Variants in ZNF248 observed in about 807,000 individuals in gnomAD.
The protein encoded by ZNF248 is zinc finger protein 248.
Under a neutral mutation model 44.3 loss-of-function variants are expected in ZNF248, and 20 were observed. That is an observed-to-expected ratio of 0.45 (90% CI 0.32 to 0.66). ZNF248 has a LOEUF of 0.66. ZNF248 is among the 30% of genes least tolerant of loss of function. The probability of loss-of-function intolerance (pLI) is 0.04; values close to 1 mark genes in which losing one functional copy is unlikely to be tolerated. For missense variants in ZNF248, 654 were observed against 677.0 expected, an observed-to-expected ratio of 0.97 and a Z score of 0.38; for synonymous variants, 224 against 229.0, an observed-to-expected ratio of 0.98 and a Z score of 0.20.
chr10:37,843,370 A>G (rs1463289034), intron 3 of ZNF248, among the ~76,000 whole-genome samples: 1 of 151,360 alleles, frequency 6.6e-6, no homozygotes, highest in Non-Finnish European at 1.5e-5. Context: ...GGTTGCAGTG[A>G]GCCGAGATTG....
the ZNF248 span, among the ~76,000 whole-genome samples, chr10:37,767,893 G>C: frequency 2.0e-5 from 3 of 152,114 alleles, no homozygotes; most frequent in African/African-American, 7.2e-5. Flanking sequence ...CTCACGTGCA[G>C]AGACACACAT....
chr10:37,826,553 G>A (rs575448482), downstream of ZNF248, among the ~76,000 whole-genome samples: 1 of 152,236 alleles, frequency 6.6e-6, no homozygotes, highest in South Asian at 2.1e-4. Flanking sequence ...GAAAACTTAG[G>A]TAACTTTTCT....
intron 6 of ZNF248, among the ~76,000 whole-genome samples, chr10:37,804,991 G>A (rs929961536): frequency 2.0e-5 from 3 of 152,018 alleles, no homozygotes; most frequent in Admixed American, 6.6e-5. Context: ...ATGTCATTCT[G>A]TGTTCCACTC....
chr10:37,782,277 C>A (rs1435164785), intron 6 of ZNF248, among the ~76,000 whole-genome samples: 4 of 152,128 alleles, frequency 2.6e-5, no homozygotes, highest in African/African-American at 9.7e-5. Context: ...AGGAATTTTA[C>A]CCCAGGATGG....
At chr10:37,780,689 C>A (rs569238349) in intron 6 of ZNF248, among the ~76,000 whole-genome samples, 5 of 152,300 alleles carry the variant, frequency 3.3e-5, no homozygotes, top group African/African-American at 9.6e-5. Context: ...GCGCGCACCC[C>A]GCGCGGGGCC....
chr10:37,856,575 C>A, intron 1 of ZNF248, 43 bp from the exon 2 acceptor site: 1 of 1,148,344 alleles, frequency 8.7e-7, no homozygotes, highest in Non-Finnish European at 1.1e-6. Context: ...ATGAGTTTAA[C>A]AAGTTAACAG....
intron 6 of ZNF248, among the ~76,000 whole-genome samples, chr10:37,777,905 T>C (rs1225454942): frequency 6.6e-6 from 1 of 152,168 alleles, no homozygotes; most frequent in Non-Finnish European, 1.5e-5. Context: ...ACGGTGTATA[T>C]GTGCCACATT....
At chr10:37,823,145 C>T (rs926853284) in intron 6 of ZNF248, among the ~76,000 whole-genome samples, 1 of 151,756 alleles carries the variant, frequency 6.6e-6, no homozygotes, top group Non-Finnish European at 1.5e-5. Context: ...ACCATCCTGG[C>T]CAACATGGTA....
the ZNF248 span, among the ~76,000 whole-genome samples, chr10:37,765,788 G>A: frequency 2.2e-4 from 33 of 152,350 alleles, no homozygotes; most frequent in Admixed American, 8.5e-4. Context: ...CACACCATGC[G>A]TGAGCTGAAG....
intron 3 of ZNF248, among the ~76,000 whole-genome samples, chr10:37,854,097 A>T (rs895870802): frequency 2.6e-5 from 4 of 152,192 alleles, no homozygotes; most frequent in Admixed American, 6.5e-5. Flanking sequence ...ATACAAGTAA[A>T]CTCCAAATGG....
At chr10:37,821,014 AGGTGCTCT>A in intron 6 of ZNF248, 2 of 1,358,360 alleles carry the variant, frequency 1.5e-6, no homozygotes. Context: ...CCGAGACTAA[AGGTGCTCT>A]GGGATCCCAA....
At chr10:37,766,413 C>G in the ZNF248 span, among the ~76,000 whole-genome samples, 1 of 152,292 alleles carries the variant, frequency 6.6e-6, no homozygotes, top group Admixed American at 6.5e-5. Context: ...AACAAAACTT[C>G]CAGAGGAACG....
chr10:37,796,311 G>A (rs553206231), intron 6 of ZNF248, among the ~76,000 whole-genome samples: 1 of 151,704 alleles, frequency 6.6e-6, no homozygotes, highest in Admixed American at 6.6e-5. Context: ...TGACTCCTGG[G>A]TTCAAGCAAT....
At chr10:37,815,688 T>C (rs1251058843) in intron 6 of ZNF248, among the ~76,000 whole-genome samples, 1 of 152,134 alleles carries the variant, frequency 6.6e-6, no homozygotes, top group African/African-American at 2.4e-5. Context: ...TCTTTGTTCA[T>C]CTTTTGATTT....
At chr10:37,855,745 G>C (rs1324172088) in intron 3 of ZNF248, among the ~76,000 whole-genome samples, 1 of 152,220 alleles carries the variant, frequency 6.6e-6, no homozygotes, top group Non-Finnish European at 1.5e-5. Flanking sequence ...ACTGATTCAG[G>C]TGAGTTTAGG....
chr10:37,773,312 G>A (rs757442037), downstream of ZNF248, among the ~76,000 whole-genome samples: 1 of 152,126 alleles, frequency 6.6e-6, no homozygotes, highest in Non-Finnish European at 1.5e-5. Flanking sequence ...AGACATTGGA[G>A]ATTATTAGTA....
intron 6 of ZNF248, chr10:37,818,667 C>G (rs2052959364): frequency 1.9e-6 from 1 of 527,820 alleles, no homozygotes; most frequent in East Asian, 4.1e-5. Flanking sequence ...AGCAGGGCTA[C>G]TCACAAAGAC....
chr10:37,786,554 C>T (rs1035600133), intron 6 of ZNF248, among the ~76,000 whole-genome samples: 2 of 152,050 alleles, frequency 1.3e-5, no homozygotes, highest in Non-Finnish European at 2.9e-5. Context: ...AAAATGTAGA[C>T]ATAATCTTGA....
At chr10:37,766,894 G>T in the ZNF248 span, among the ~76,000 whole-genome samples, 4 of 152,106 alleles carry the variant, frequency 2.6e-5, no homozygotes, top group African/African-American at 9.7e-5. Context: ...TAGACGAATG[G>T]ATAACTAGAA....
Sources: allele counts gnomAD v4.1 joint callset (sites outside exome capture counted in the v4.1 genomes callset), GRCh38; gene constraint gnomAD v4.1.1; transcripts MANE v1.5; gene names NCBI Gene and HGNC (gene_info 2026-07-23, HGNC 2026-07-21).